The following TENM4 variants were observed in gnomAD, a reference collection of about 807,000 sequenced individuals.
TENM4 encodes teneurin-4.
Under a neutral mutation model 243.3 loss-of-function variants are expected in TENM4, and 82 were observed. That is an observed-to-expected ratio of 0.34 (90% CI 0.28 to 0.40). The LOEUF is 0.40. TENM4 is among the 10% of genes least tolerant of loss of function. The probability of loss-of-function intolerance (pLI) is 1.00; values close to 1 mark genes in which losing one functional copy is unlikely to be tolerated. For missense variants in TENM4, 3,138 were observed against 3,673.3 expected (o/e 0.85, Z 3.77); for synonymous variants, 1,412 against 1,456.3 (o/e 0.97, Z 0.69).
At chr11:78,731,235 T>C (rs1231651431) in intron 21 of TENM4, among the ~76,000 whole-genome samples, 1 of 152,158 alleles carries the variant, frequency 6.6e-6, no homozygotes, top group Non-Finnish European at 1.5e-5. Context: ...AAATTACTTC[T>C]CTCCAGCAAG....
At chr11:78,877,573 A>T (rs1859299825) in intron 9 of TENM4, among the ~76,000 whole-genome samples, 1 of 152,228 alleles carries the variant, frequency 6.6e-6, no homozygotes, top group Non-Finnish European at 1.5e-5. Context: ...ATGTTGTAAA[A>T]GGAGCACCCA....
Position 78,669,093 on chromosome 11 carries a change from G to C in TENM4, c.7252C>G (p.Arg2418Gly). ...CCGGCCAGCACATCATAATCTCGCC[G>C]GCCCATGTGGACAAGCTTGGTGAGT... Reference protein sequence around the residue: ...DPLTKLVHMGRRDYDVLAGRW... With the variant: ...DPLTKLVHMGGRDYDVLAGRW... Residue 2418 changes from arginine to glycine, a missense_variant, in exon 32 of 34, where the codon CGG becomes GGG. Arg to Gly is a moderately radical substitution (Grantham distance 125, BLOSUM62 -2). Transcript: ENST00000278550. This position sits in a 1 kb window ranked among gnomAD's most constrained non-coding sequence, Gnocchi z 6.4. The C allele has an allele frequency of 6.2e-7, 1 of 1,613,718 alleles. No homozygotes were observed. The highest frequency in any genetic ancestry group is 8.5e-7 in the Non-Finnish European group (1 of 1,179,804).
chr11:79,421,954 G>A (rs1858941354), intron 1 of TENM4, among the ~76,000 whole-genome samples: 1 of 152,092 alleles, frequency 6.6e-6, no homozygotes, highest in Admixed American at 6.5e-5. Flanking sequence ...CCTTTCAAGA[G>A]GCTGGCTAGA....
In TENM4 at chr11:78,670,196, C is replaced by A. The variant is rs775005150; in HGVS notation, c.6149G>T (p.Gly2050Val). The A allele has an allele frequency of 2.5e-6, 4 of 1,613,922 alleles. No homozygotes were observed. In the Admixed American group the frequency reaches 5.0e-5, roughly 20 times the overall value. The change falls in exon 32 of 34, where the codon GGC becomes GTC. Residue 2050 changes from glycine (G) to valine (V), a missense_variant. This residue lies in a region of TENM4 where 2,467 missense variants were observed against 3,059.1 expected (regional missense o/e 0.81). Transcript: ENST00000278550. ...MLKTINLQNEGFTCTIRYRQI... is the reference protein window; with the variant it reads ...MLKTINLQNEVFTCTIRYRQI... ...ACGGTAGCGGATGGTGCAGGTGAAG[C>A]CCTCATTCTGTAGGTTGATGGTCTT...
chr11:79,329,252 TAGA>T (rs1401298851), intron 1 of TENM4, among the ~76,000 whole-genome samples: 1 of 152,234 alleles, frequency 6.6e-6, no homozygotes, highest in African/African-American at 2.4e-5. Flanking sequence ...AGGGTAGGAA[TAGA>T]AGAAGTTCTT....
intron 6 of TENM4, among the ~76,000 whole-genome samples, chr11:79,037,986 C>G (rs1269530908): frequency 6.6e-6 from 1 of 152,168 alleles, no homozygotes; most frequent in Non-Finnish European, 1.5e-5. Flanking sequence ...TCTAAGATGC[C>G]TTCTTTTTAT....
At chr11:79,326,392 A>G (rs370057201) in intron 1 of TENM4, among the ~76,000 whole-genome samples, 18 of 152,280 alleles carry the variant, frequency 1.2e-4, no homozygotes, top group African/African-American at 4.3e-4. Context: ...CCTTGCCTGT[A>G]TCTTTGCTCC....
chr11:79,315,204 T>C (rs1044793034), intron 1 of TENM4, among the ~76,000 whole-genome samples: 1 of 152,152 alleles, frequency 6.6e-6, no homozygotes, highest in Non-Finnish European at 1.5e-5. Flanking sequence ...AGGCAGGAAC[T>C]GGAGCAAACC....
chr11:78,756,688 C>T, intron 19 of TENM4, 117 bp downstream of exon 19: 1 of 950,002 alleles, frequency 1.1e-6, no homozygotes, highest in Non-Finnish European at 1.6e-6. Flanking sequence ...CCATCAGGAA[C>T]CATGGATGCT....
chr11:79,280,302 C>T (rs1043938148), intron 2 of TENM4, among the ~76,000 whole-genome samples: 1 of 152,218 alleles, frequency 6.6e-6, no homozygotes, highest in African/African-American at 2.4e-5. Flanking sequence ...GCCTACCTTC[C>T]TCCTTTTGTG....
At chr11:78,980,062 GATTATA>G (rs1343131452) in intron 6 of TENM4, among the ~76,000 whole-genome samples, 1 of 152,206 alleles carries the variant, frequency 6.6e-6, no homozygotes, top group Non-Finnish European at 1.5e-5. Context: ...AAGGTTAAGT[GATTATA>G]TTCTGTAAGT....
intron 1 of TENM4, among the ~76,000 whole-genome samples, chr11:79,316,259 A>T (rs1856800949): frequency 6.6e-6 from 1 of 152,176 alleles, no homozygotes; most frequent in African/African-American, 2.4e-5. Flanking sequence ...AAAGAATGAG[A>T]GAGTGATACT....
At chr11:79,159,019 T>A (rs755129609) in intron 3 of TENM4, among the ~76,000 whole-genome samples, 1 of 152,202 alleles carries the variant, frequency 6.6e-6, no homozygotes, top group East Asian at 1.9e-4. Context: ...TATAGAGAGG[T>A]TGAAGTGAGT....
At chr11:79,302,074 C>G (rs1485936525) in intron 1 of TENM4, among the ~76,000 whole-genome samples, 1 of 152,198 alleles carries the variant, frequency 6.6e-6, no homozygotes, top group African/African-American at 2.4e-5. Flanking sequence ...TAGCATGGTA[C>G]TTGGCACATT....
chr11:79,219,095 A>G (rs1295871681), intron 2 of TENM4, among the ~76,000 whole-genome samples: 1 of 152,222 alleles, frequency 6.6e-6, no homozygotes, highest in Non-Finnish European at 1.5e-5. Flanking sequence ...AGAGATCGCC[A>G]TGGCTGACAA....
At chr11:78,773,481 T>C (rs1856681456) in intron 17 of TENM4, among the ~76,000 whole-genome samples, 5 of 152,176 alleles carry the variant, frequency 3.3e-5, no homozygotes, top group African/African-American at 1.2e-4. Flanking sequence ...GCAGAGGGCA[T>C]ATAATATCAT....
At chr11:78,676,026 G>T in intron 30 of TENM4, 126 bp downstream of exon 30, 1 of 935,086 alleles carries the variant, frequency 1.1e-6, no homozygotes, top group Non-Finnish European at 1.5e-6. Flanking sequence ...ATGGTTCCCT[G>T]ATTTAGTTCT....
intron 9 of TENM4, among the ~76,000 whole-genome samples, chr11:78,884,874 G>A (rs1305521581): frequency 3.3e-5 from 5 of 152,136 alleles, no homozygotes; most frequent in Admixed American, 6.5e-5. Flanking sequence ...AGCTCATGGG[G>A]GCTCAGTGTC....
intron 16 of TENM4, among the ~76,000 whole-genome samples, chr11:78,786,349 G>C (rs1856935259): frequency 6.6e-6 from 1 of 152,234 alleles, no homozygotes; most frequent in African/African-American, 2.4e-5. Flanking sequence ...CAGACCTCTT[G>C]GGGAATTCTG....
Sources: gnomAD v4.1 joint callset for allele counts (sites outside exome capture counted in the v4.1 genomes callset) on GRCh38, gnomAD v4.1.1 for gene constraint, gnomAD v4.1.1 regional missense constraint, Gnocchi (gnomAD v3.1) non-coding constraint, MANE v1.5 for transcripts, NCBI Gene and HGNC (gene_info 2026-07-23, HGNC 2026-07-21) for gene names.